The following BNC2 variants were observed in gnomAD, a reference collection of about 807,000 sequenced individuals.
The protein encoded by BNC2 is basonuclin zinc finger protein 2.
In BNC2, 20 loss-of-function variants were observed where a neutral mutation model predicts 76.3. The ratio of observed to expected loss-of-function variants is 0.26; its 90% CI spans 0.18 to 0.38. The LOEUF is 0.38. Among genes scored for constraint, BNC2 ranks in the 10% least tolerant of loss-of-function variants. The pLI is 1.00. For missense variants in BNC2, 1,382 were observed against 1,399.8 expected, an observed-to-expected ratio of 0.99 and a Z score of 0.20; for synonymous variants, 582 against 514.8, an observed-to-expected ratio of 1.13 and a Z score of -1.77.
chr9:16,771,235 C>T (rs1825823878), intron 1 of BNC2, among the ~76,000 whole-genome samples: 1 of 152,260 alleles, frequency 6.6e-6, no homozygotes, highest in Non-Finnish European at 1.5e-5. Context: ...GTCCTCAGGA[C>T]AAGAGGTGGC....
intron 3 of BNC2, among the ~76,000 whole-genome samples, chr9:16,719,653 T>C (rs1824090508): frequency 6.6e-6 from 1 of 152,250 alleles, no homozygotes; most frequent in Non-Finnish European, 1.5e-5. Flanking sequence ...GTTTCAGTCT[T>C]GTCAATTTTA....
chr9:16,831,299 A>C (rs757363942), intron 1 of BNC2, among the ~76,000 whole-genome samples: 11 of 152,240 alleles, frequency 7.2e-5, no homozygotes, highest in Non-Finnish European at 1.5e-4. Flanking sequence ...TTGCACAATG[A>C]AGTGCCAAAT....
At chr9:16,850,222 A>G (rs1055334410) in intron 1 of BNC2, among the ~76,000 whole-genome samples, 2 of 152,232 alleles carry the variant, frequency 1.3e-5, no homozygotes, top group African/African-American at 2.4e-5. Context: ...TTCACTCTAC[A>G]GTAGAATTTA....
intron 3 of BNC2, among the ~76,000 whole-genome samples, chr9:16,609,570 C>T (rs1322320870): frequency 2.6e-5 from 4 of 152,158 alleles, no homozygotes; most frequent in African/African-American, 9.7e-5. Flanking sequence ...CCTTGTATCT[C>T]CTATGCTTCC....
chr9:16,501,513 G>A (rs1421852870), intron 5 of BNC2, among the ~76,000 whole-genome samples: 1 of 152,158 alleles, frequency 6.6e-6, no homozygotes, highest in Non-Finnish European at 1.5e-5. Flanking sequence ...GAAGATGAAA[G>A]ATATATAAAA....
chr9:16,721,901 C>CT (rs1824168248), intron 3 of BNC2, among the ~76,000 whole-genome samples: 1 of 150,162 alleles, frequency 6.7e-6, no homozygotes, highest in Non-Finnish European at 1.5e-5. Context: ...ATTTCTTTTC[C>CT]TCTTTCCTTT....
chr9:16,578,307 T>A (rs1819542328), intron 4 of BNC2, among the ~76,000 whole-genome samples: 1 of 152,230 alleles, frequency 6.6e-6, no homozygotes, highest in Admixed American at 6.5e-5. Context: ...TACCTTCATC[T>A]TAATGGTTTA....
chr9:16,781,752 GAAT>G (rs1416918623), intron 1 of BNC2, among the ~76,000 whole-genome samples: 2 of 152,074 alleles, frequency 1.3e-5, no homozygotes, highest in African/African-American at 4.8e-5. Context: ...ATGTATAAAT[GAAT>G]AATAGTTGAT....
intron 3 of BNC2, among the ~76,000 whole-genome samples, chr9:16,648,640 G>A (rs1366076406): frequency 6.6e-6 from 1 of 152,146 alleles, no homozygotes; most frequent in Non-Finnish European, 1.5e-5. Flanking sequence ...GCGAACTAAG[G>A]GGTGGTTAAT....
intron 5 of BNC2, among the ~76,000 whole-genome samples, chr9:16,445,106 A>G (rs1563787082): frequency 6.6e-6 from 1 of 152,232 alleles, no homozygotes; most frequent in Non-Finnish European, 1.5e-5. Context: ...TTCTCATTGA[A>G]AACAATAGAT....
At chr9:16,599,807 T>C (rs1343846697) in intron 3 of BNC2, among the ~76,000 whole-genome samples, 2 of 152,184 alleles carry the variant, frequency 1.3e-5, no homozygotes, top group Non-Finnish European at 2.9e-5. Context: ...TATTAAGATA[T>C]GCTTAATACT....
Position 16,656,294 on chromosome 9 carries a change from A to AAAAGTGGTTACAAGAAAGG in BNC2, c.330+71484_330+71502dup, listed in dbSNP as rs1821927848. Among the ~76,000 whole-genome samples, 4 of 152,330 alleles carry AAAAGTGGTTACAAGAAAGG rather than the reference A, an allele frequency of 2.6e-5. No individual in the cohort carries two copies. In the South Asian group the frequency reaches 8.3e-4, roughly 32 times the overall value. ...CTCACCCGTAAAAGCAGGAGACAAG[A>AAAAGTGGTTACAAGAAAGG]AAAGTGGTTACAAGAAAGGACAAAG... On this transcript the variant is annotated intron_variant, in intron 3 of 6. Transcript: ENST00000380672.
chr9:16,798,368 G>T (rs982667934), intron 1 of BNC2, among the ~76,000 whole-genome samples: 1 of 152,106 alleles, frequency 6.6e-6, no homozygotes, highest in African/African-American at 2.4e-5. Context: ...GGCAAGATTA[G>T]CTTAGTCAAT....
At chr9:16,688,372 A>C (rs902695579) in intron 3 of BNC2, among the ~76,000 whole-genome samples, 1 of 152,226 alleles carries the variant, frequency 6.6e-6, no homozygotes, top group Non-Finnish European at 1.5e-5. Flanking sequence ...CAATCAAAAA[A>C]TGATTGAAGA....
chr9:16,716,698 G>A (rs930168422), intron 3 of BNC2, among the ~76,000 whole-genome samples: 6 of 152,172 alleles, frequency 3.9e-5, no homozygotes, highest in African/African-American at 1.2e-4. Context: ...TAGTACGTAG[G>A]CTATGACCAG....
At chr9:16,447,929 AGAT>A (rs1243666599) in intron 5 of BNC2, among the ~76,000 whole-genome samples, 3 of 152,104 alleles carry the variant, frequency 2.0e-5, no homozygotes, top group African/African-American at 4.8e-5. Context: ...CTTCATATGG[AGAT>A]GATAACTAGT....
chr9:16,461,291 G>C (rs527377923), intron 5 of BNC2, among the ~76,000 whole-genome samples: 1 of 152,092 alleles, frequency 6.6e-6, no homozygotes, highest in Non-Finnish European at 1.5e-5. Flanking sequence ...GAATGTGCAC[G>C]TGTGGAGAAA....
intron 3 of BNC2, among the ~76,000 whole-genome samples, chr9:16,634,733 C>T (rs1052626439): frequency 6.6e-6 from 1 of 152,056 alleles, no homozygotes; most frequent in East Asian, 1.9e-4. Context: ...GATCTCCTGA[C>T]CTTGTGATCT....
chr9:16,552,519 C>T lies in BNC2; in HGVS notation c.669+11G>A, dbSNP rs1198057582. ...CCCCGGACACGGGCGGCGTTCAAGT[C>T]CTCTCCCTACCTGAAGGATGTATCC... On this transcript the variant is annotated intron_variant, in intron 5 of 6. Transcript: ENST00000380672. The T allele has an allele frequency of 1.9e-6, 3 of 1,613,338 alleles. No individual in the cohort carries two copies. The highest frequency in any genetic ancestry group is 2.5e-6 in the Non-Finnish European group (3 of 1,179,512).
Sources: gnomAD v4.1 joint callset for allele counts (sites outside exome capture counted in the v4.1 genomes callset) on GRCh38, gnomAD v4.1.1 for gene constraint, MANE v1.5 for transcripts, NCBI Gene and HGNC (gene_info 2026-07-23, HGNC 2026-07-21) for gene names.